Variants in COX15 observed in about 807,000 individuals in gnomAD.
COX15 encodes cytochrome c oxidase assembly factor COX15.
In COX15, 51 loss-of-function variants were observed where a neutral mutation model predicts 51.9. The observed-to-expected ratio is 0.98, with a 90% CI of 0.78 to 1.24. The LOEUF is 1.24. Ranked by LOEUF, COX15 falls within the 50% of genes most tolerant of loss-of-function variation. The pLI is 0.00. For synonymous variants in COX15, 188 were observed against 190.5 expected (o/e 0.99, Z 0.11); for missense variants, 420 against 501.1 (o/e 0.84, Z 1.55).
intron 1 of COX15, 116 bp downstream of exon 1, chr10:99,731,844 T>G: frequency 2.3e-6 from 3 of 1,324,842 alleles, no homozygotes; most frequent in South Asian, 1.3e-5. Context: ...ACCTATGCGT[T>G]GTGAGTGCAC....
rs2036970049 is a variant in COX15, at chr10:99,726,899, A to AC, written c.582+68_582+69insG. ...CGAGACTCCGTCTCAAAAAAAAAAA[A>AC]AAAAAAACAATGCCAACTAGGAAGC... On this transcript the variant is annotated intron_variant, in intron 4 of 8. Coordinates refer to ENST00000016171, the MANE Select transcript of COX15 (RefSeq NM_078470.6). The AC allele has an allele frequency of 1.0e-5, 15 of 1,475,860 alleles. No individual in the cohort carries two copies. The South Asian group carries it at 1.8e-4, about 18-fold the overall frequency. 91.4% of individuals were successfully genotyped at this position (1,475,860 alleles called of 1,614,324 possible). A position where few individuals can be genotyped will look rare whatever the true frequency, so the allele number is the denominator to read the frequency against.
the COX15 span, chr10:99,704,430 C>A: frequency 6.2e-7 from 1 of 1,613,166 alleles, no homozygotes; most frequent in Non-Finnish European, 8.5e-7. Flanking sequence ...TTTCCACCTA[C>A]AAATTCTTAA....
Position 99,713,109 on chromosome 10 carries a change from T to G in COX15, c.*1478A>C. 1 of 1,255,348 alleles carries G rather than the reference T, an allele frequency of 8.0e-7. No homozygotes were observed. Among genetic ancestry groups the G allele is most frequent in the Non-Finnish European group, 1.0e-6 (1 of 989,182 alleles). The allele number at this position is 1,255,348 out of a possible 1,614,324, so 77.8% of individuals were successfully genotyped here. On this transcript the variant is annotated 3_prime_UTR_variant, in exon 9 of 9. Coordinates refer to ENST00000016171, the MANE Select transcript of COX15 (RefSeq NM_078470.6). The stretch of plus-strand genomic sequence containing the variant: ...TGCAGTATGTTAGGGGTATTTTGAC[T>G]ATGGCTGTGACACTTCTACTGATAA...
At chr10:99,729,865 T>C in intron 1 of COX15, 131 bp from the exon 2 acceptor site, 1 of 906,070 alleles carries the variant, frequency 1.1e-6, no homozygotes, top group Admixed American at 2.0e-5. Flanking sequence ...CATCATCTCT[T>C]ATCTGGATTA....
intron 4 of COX15, 139 bp downstream of exon 4, chr10:99,726,829 T>C (rs2036965372): frequency 2.5e-6 from 2 of 797,804 alleles, no homozygotes; most frequent in Non-Finnish European, 2.0e-6. Flanking sequence ...GAGCTTGCAG[T>C]GAGCCGAGAT....
intron 5 of COX15, among the ~76,000 whole-genome samples, chr10:99,723,595 G>C (rs919671254): frequency 1.3e-4 from 20 of 152,154 alleles, no homozygotes; most frequent in African/African-American, 4.3e-4. Context: ...GCTTTAATCA[G>C]CAGACAGAAA....
rs2037000648 is a variant in COX15 at position 99,727,560 on chromosome 10, C to T, written c.276G>A (p.Leu92=). ...GAVILGGVTR[L]TESGLSMVDW... is the part of the protein sequence containing the mutation. ...CTACCATCGAGAGGCCAGACTCTGTCAACCTTAGGATAGGAAAGAAATTTT... is the reference window on the plus strand; with the variant it reads ...CTACCATCGAGAGGCCAGACTCTGTTAACCTTAGGATAGGAAAGAAATTTT... Residue 92 remains leucine (L), a synonymous_variant, in exon 3 of 9, where the codon TTG becomes TTA. Coordinates refer to ENST00000016171, the MANE Select transcript of COX15 (RefSeq NM_078470.6). 1 of 1,613,472 alleles carries T rather than the reference C, an allele frequency of 6.2e-7. No individual in the cohort carries two copies. Among genetic ancestry groups the T allele is most frequent in the Middle Eastern group, 1.7e-4 (1 of 6,060 alleles).
At chr10:99,719,545 C>G (rs918851925) in intron 6 of COX15, among the ~76,000 whole-genome samples, 10 of 152,010 alleles carry the variant, frequency 6.6e-5, no homozygotes, top group Non-Finnish European at 1.3e-4. Context: ...GGCTGGAGTG[C>G]AGCAGCGCAA....
chr10:99,724,861 A>T (rs2036901079), intron 4 of COX15, among the ~76,000 whole-genome samples: 1 of 152,254 alleles, frequency 6.6e-6, no homozygotes, highest in Non-Finnish European at 1.5e-5. Context: ...CAATTATAAA[A>T]GTTTCAGGGG....
chr10:99,698,772 G>A, the COX15 span: 23 of 1,614,162 alleles, frequency 1.4e-5, no homozygotes, highest in East Asian at 2.2e-5. Context: ...CGAGTTCTAC[G>A]GCTTCTCTGA....
At chr10:99,697,693 T>C in the COX15 span, 3 of 159,926 alleles carry the variant, frequency 1.9e-5, no homozygotes, top group African/African-American at 4.8e-5. Flanking sequence ...TGTTGTAAAG[T>C]GTTCTGTTGT....
chr10:99,698,266 T>A, the COX15 span, among the ~76,000 whole-genome samples: 2 of 152,204 alleles, frequency 1.3e-5, no homozygotes, highest in African/African-American at 4.8e-5. Flanking sequence ...AACAGCAGAT[T>A]CACATCTCCA....
intron 8 of COX15, among the ~76,000 whole-genome samples, chr10:99,715,318 T>C (rs534605267): frequency 6.6e-6 from 1 of 152,128 alleles, no homozygotes; most frequent in Admixed American, 6.5e-5. Context: ...TTGTATTTTT[T>C]AGTAGAGACA....
At chr10:99,703,192 G>A in the COX15 span, among the ~76,000 whole-genome samples, 1 of 152,138 alleles carries the variant, frequency 6.6e-6, no homozygotes, top group Non-Finnish European at 1.5e-5. Flanking sequence ...TCAAACTCTG[G>A]TAGCCTGATA....
At chr10:99,716,539 A>G in intron 7 of COX15, 78 bp from the exon 8 acceptor site, 1 of 968,636 alleles carries the variant, frequency 1.0e-6, no homozygotes, top group Non-Finnish European at 1.6e-6. Flanking sequence ...CTCCTCTAGA[A>G]CCACTCAGCA....
the COX15 span, chr10:99,701,145 A>G: frequency 8.5e-7 from 1 of 1,175,698 alleles, no homozygotes; most frequent in Admixed American, 1.8e-5. Context: ...TGCAGATTAG[A>G]TTTCATGTTG....
intron 7 of COX15, 131 bp from the exon 8 acceptor site, chr10:99,716,592 G>A (rs2036588014): frequency 4.5e-6 from 3 of 667,518 alleles, no homozygotes; most frequent in Admixed American, 2.1e-5. Context: ...GAACCTCCCT[G>A]CAGTCCCAGC....
In COX15 at chr10:99,723,847, T is replaced by G. The variant is rs1313682091; in HGVS notation, c.750+109A>C. The stretch of plus-strand genomic sequence containing the variant: ...GTTTCACCTTTGCCAATAGAAAATG[T>G]TGGCAAAATATTCAACTCCTATATG... On this transcript the variant is annotated intron_variant, in intron 5 of 8. Transcript: ENST00000016171. 3.1e-6 allele frequency: 4 copies of G among 1,280,726 alleles called. No homozygotes were observed. In the African/African-American group the frequency reaches 4.4e-5, roughly 14 times the overall value. The allele number at this position is 1,280,726 out of a possible 1,614,324, so 79.3% of individuals were successfully genotyped here. A position where few individuals can be genotyped will look rare whatever the true frequency, so the allele number is the denominator to read the frequency against.
At chr10:99,709,886 C>T, downstream of COX15, 8 of 985,448 alleles carry the variant, frequency 8.1e-6, no homozygotes, top group Non-Finnish European at 9.6e-6. Flanking sequence ...TTTTGTTTCT[C>T]TGAAAATCTG....
Sources: gnomAD v4.1 joint callset for allele counts (sites outside exome capture counted in the v4.1 genomes callset) on GRCh38, gnomAD v4.1.1 for gene constraint, MANE v1.5 for transcripts, NCBI Gene and HGNC (gene_info 2026-07-23, HGNC 2026-07-21) for gene names.